The following MTM1 variants were observed in gnomAD, a reference collection of about 807,000 sequenced individuals.
MTM1 encodes myotubularin.
MTM1 carries 9 observed loss-of-function variants against 52.1 expected under a neutral mutation model. The ratio of observed to expected loss-of-function variants is 0.17; its 90% CI spans 0.10 to 0.30. The LOEUF (loss-of-function observed/expected upper bound fraction) is 0.30. Ranked by LOEUF, MTM1 falls within the 10% of genes least tolerant of loss-of-function variation. The probability of loss-of-function intolerance (pLI) is 1.00; values close to 1 mark genes in which losing one functional copy is unlikely to be tolerated. For synonymous variants in MTM1, 136 were observed against 163.8 expected, an observed-to-expected ratio of 0.83 and a Z score of 1.29; for missense variants, 277 against 470.7, an observed-to-expected ratio of 0.59 and a Z score of 3.81.
At chrX:150,622,333 C>T (rs988583093) in intron 6 of MTM1, among the ~76,000 whole-genome samples, 6 of 111,172 alleles carry the variant, frequency 5.4e-5, no homozygotes, top group Non-Finnish European at 1.1e-4. Flanking sequence ...CAGATTGAAA[C>T]AGATCAGCCC....
At chrX:150,623,592 C>T (rs2039518370) in intron 6 of MTM1, among the ~76,000 whole-genome samples, 1 of 110,634 alleles carries the variant, frequency 9.0e-6, no homozygotes, top group African/African-American at 3.3e-5. Flanking sequence ...AATCTTGCCT[C>T]TTTTCAAGGC....
intron 1 of MTM1, among the ~76,000 whole-genome samples, chrX:150,568,907 C>G (rs919495048): frequency 1.6e-4 from 18 of 112,872 alleles, no homozygotes; most frequent in Non-Finnish European, 2.6e-4. Context: ...CCAAGGTGGC[C>G]GGCCGGCGGC....
chrX:150,630,622 G>A (rs782070770), intron 6 of MTM1, among the ~76,000 whole-genome samples: 1 of 111,271 alleles, frequency 9.0e-6, no homozygotes, highest in African/African-American at 3.3e-5. Context: ...TTAGTTGTAC[G>A]TACTTTTTGT....
At chrX:150,594,312 G>A (rs1557412559) in intron 2 of MTM1, among the ~76,000 whole-genome samples, 1 of 110,249 alleles carries the variant, frequency 9.1e-6, no homozygotes, top group Admixed American at 9.6e-5. Flanking sequence ...GTTTCACCAT[G>A]TTGGCCATGC....
intron 1 of MTM1, among the ~76,000 whole-genome samples, chrX:150,581,435 CT>C (rs782275863): frequency 8.1e-5 from 9 of 111,358 alleles, no homozygotes; most frequent in Non-Finnish European, 1.5e-4. Context: ...AAACTTTCTC[CT>C]TTTAAAAGAT....
At chrX:150,580,405 A>G (rs2038558719) in intron 1 of MTM1, among the ~76,000 whole-genome samples, 1 of 112,210 alleles carries the variant, frequency 8.9e-6, no homozygotes, top group Non-Finnish European at 1.9e-5. Context: ...CCTTCAAAAG[A>G]CATAGATCTT....
intron 12 of MTM1, among the ~76,000 whole-genome samples, 165 bp downstream of exon 12, chrX:150,659,921 C>A (rs782345757): frequency 8.9e-6 from 1 of 111,931 alleles, no homozygotes; most frequent in African/African-American, 3.2e-5. Flanking sequence ...GAGCGTTCAC[C>A]TTTTTATTCC....
rs2038488167 is a variant in MTM1 at position 150,577,224 on chromosome X, A to T, written c.-11+8562A>T. On this transcript the variant is annotated intron_variant, in intron 1 of 14. Coordinates refer to ENST00000370396, the MANE Select transcript of MTM1 (RefSeq NM_000252.3). Reference sequence around the variant, plus strand: ...TATTCATTCAGTAGTTGATCATTTGAGTTGATTCAGTTTTTGGCCATTTTG... The same window carrying T: ...TATTCATTCAGTAGTTGATCATTTGTGTTGATTCAGTTTTTGGCCATTTTG... 4.5e-5 allele frequency among the ~76,000 whole-genome samples: 5 copies of T among 112,094 alleles called. No individual in the cohort carries two copies. The Admixed American group carries it at 4.7e-4, about 11-fold the overall frequency.
intron 4 of MTM1, among the ~76,000 whole-genome samples, chrX:150,600,425 T>C (rs2039049433): frequency 8.9e-6 from 1 of 112,188 alleles, no homozygotes; most frequent in African/African-American, 3.2e-5. Flanking sequence ...AAAGTTAATA[T>C]TCCCCTAGGC....
At chrX:150,570,403 T>C (rs1369272583) in intron 1 of MTM1, among the ~76,000 whole-genome samples, 1 of 111,720 alleles carries the variant, frequency 9.0e-6, no homozygotes, top group African/African-American at 3.3e-5. Context: ...GTAAAGGAAA[T>C]AAATCCAAAA....
intron 4 of MTM1, among the ~76,000 whole-genome samples, chrX:150,612,986 A>C (rs1557413035): frequency 9.2e-6 from 1 of 109,172 alleles, no homozygotes; most frequent in Non-Finnish European, 1.9e-5. Context: ...TCATCTAAAA[A>C]AAAAAAAAAA....
chrX:150,641,655 G>A (rs1193079795), intron 8 of MTM1, among the ~76,000 whole-genome samples: 1 of 111,515 alleles, frequency 9.0e-6, no homozygotes, highest in African/African-American at 3.3e-5. Context: ...CTACGAGAGA[G>A]GGGCTGCAAG....
chrX:150,587,699 T>C (rs1439946526), intron 1 of MTM1, among the ~76,000 whole-genome samples: 1 of 111,643 alleles, frequency 9.0e-6, no homozygotes, highest in Non-Finnish European at 1.9e-5. Context: ...TCCAAGCTAC[T>C]TTAATGCAAA....
At chrX:150,615,496 AAAAAC>A (rs1237556103) in intron 5 of MTM1, among the ~76,000 whole-genome samples, 6 of 110,944 alleles carry the variant, frequency 5.4e-5, no homozygotes, top group Non-Finnish European at 9.4e-5. Flanking sequence ...AAAAAAAAAA[AAAAAC>A]AGTCTTAATT....
intron 1 of MTM1, among the ~76,000 whole-genome samples, chrX:150,572,855 T>C (rs1435230786): frequency 2.7e-5 from 3 of 112,804 alleles, no homozygotes; most frequent in Non-Finnish European, 5.6e-5. Flanking sequence ...TGAGCGGCCT[T>C]TTCTCGTTAA....
chrX:150,572,550 G>A (rs2038397012), intron 1 of MTM1, among the ~76,000 whole-genome samples: 1 of 112,195 alleles, frequency 8.9e-6, no homozygotes, highest in Non-Finnish European at 1.9e-5. Flanking sequence ...TTTGTTTTAT[G>A]TATTCCTAAA....
chrX:150,583,159 A>G (rs1370285445), intron 1 of MTM1, among the ~76,000 whole-genome samples: 2 of 77,237 alleles, frequency 2.6e-5, no homozygotes, highest in South Asian at 6.2e-4. Context: ...TATATAAATT[A>G]TATATATTAT....
chrX:150,581,579 GTTC>G (rs1484861345), intron 1 of MTM1, among the ~76,000 whole-genome samples: 2 of 111,636 alleles, frequency 1.8e-5, no homozygotes, highest in African/African-American at 6.5e-5. Context: ...GAAGTCTAGG[GTTC>G]TTCTTTGTGA....
chrX:150,641,496 C>T (rs1225279512), intron 8 of MTM1, 78 bp downstream of exon 8: 10 of 1,118,607 alleles, frequency 8.9e-6, no homozygotes, highest in African/African-American at 1.8e-5. Context: ...CTTAGAGAAA[C>T]GGTCCTTTTG....
Sources: gnomAD v4.1 joint callset for allele counts (sites outside exome capture counted in the v4.1 genomes callset) on GRCh38, gnomAD v4.1.1 for gene constraint, MANE v1.5 for transcripts, NCBI Gene and HGNC (gene_info 2026-07-23, HGNC 2026-07-21) for gene names.